The following MTUS2 variants were observed in gnomAD, a reference collection of about 807,000 sequenced individuals.
MTUS2 encodes microtubule associated scaffold protein 2.
In MTUS2, 40 loss-of-function variants were observed where a neutral mutation model predicts 114.1. That is an observed-to-expected ratio of 0.35 (90% confidence interval 0.27 to 0.46). MTUS2 has a LOEUF of 0.46. MTUS2 is among the 20% of genes least tolerant of loss of function. The pLI, the probability that MTUS2 is intolerant of heterozygous loss-of-function variation, is 1.00. For synonymous variants in MTUS2, 688 were observed against 672.0 expected, an observed-to-expected ratio of 1.02 and a Z score of -0.37; for missense variants, 1,679 against 1,705.4, an observed-to-expected ratio of 0.98 and a Z score of 0.27.
intron 5 of MTUS2, among the ~76,000 whole-genome samples, chr13:29,241,741 A>C (rs1472886690): frequency 6.6e-6 from 1 of 152,198 alleles, no homozygotes. Context: ...TGCACTGTCT[A>C]CAGTAGATAC....
At chr13:29,140,130 T>A (rs1305822248) in intron 5 of MTUS2, among the ~76,000 whole-genome samples, 1 of 152,194 alleles carries the variant, frequency 6.6e-6, no homozygotes, top group Non-Finnish European at 1.5e-5. Flanking sequence ...CATAGAGAGA[T>A]TTATTTATGA....
intron 9 of MTUS2, among the ~76,000 whole-genome samples, chr13:29,451,335 C>A (rs2138737744): frequency 6.6e-6 from 1 of 151,764 alleles, no homozygotes; most frequent in Non-Finnish European, 1.5e-5. Context: ...CCAAATAGCA[C>A]ATAGGTCAAA....
At chr13:28,940,517 A>G (rs963928771) in intron 2 of MTUS2, among the ~76,000 whole-genome samples, 9 of 152,214 alleles carry the variant, frequency 5.9e-5, no homozygotes, top group African/African-American at 2.2e-4. Flanking sequence ...TACTGGAGTT[A>G]TCAAACCCAG....
chr13:28,945,466 C>T (rs78571265), intron 2 of MTUS2, among the ~76,000 whole-genome samples: 3,390 of 152,158 alleles, frequency 0.022, 108 homozygotes, highest in East Asian at 0.068. Flanking sequence ...TAAGTGTTTC[C>T]CTTTCTCCAC....
intron 1 of MTUS2, among the ~76,000 whole-genome samples, 167 bp downstream of exon 1, chr13:28,820,778 A>G (rs575624541): frequency 1.3e-5 from 2 of 152,152 alleles, no homozygotes; most frequent in Non-Finnish European, 2.9e-5. Flanking sequence ...CTTCCTGCCC[A>G]CATCACCTGC....
chr13:28,934,048 G>T (rs940578664), intron 2 of MTUS2, among the ~76,000 whole-genome samples: 1 of 152,182 alleles, frequency 6.6e-6, no homozygotes, highest in Non-Finnish European at 1.5e-5. Flanking sequence ...TATATTATCA[G>T]ATTACACTTC....
intron 5 of MTUS2, among the ~76,000 whole-genome samples, chr13:29,137,529 T>C (rs1892031522): frequency 6.6e-6 from 1 of 152,142 alleles, no homozygotes; most frequent in East Asian, 1.9e-4. Context: ...CTCTGTTTAC[T>C]TTTCTTCAGT....
rs988737979 is a variant in MTUS2, at chr13:29,038,610, G to A, written c.2446+4485G>A. The stretch of plus-strand genomic sequence containing the variant: ...TGCTCTCTTCAGAGCCGACAGGCAG[G>A]AATGTTTAAGTCTGCTGAAGCTGCA... On this transcript the variant is annotated intron_variant, in intron 4 of 15. Coordinates refer to ENST00000612955, the MANE Select transcript of MTUS2 (RefSeq NM_001033602.4). Among the ~76,000 whole-genome samples, 4 of 152,322 alleles carry A rather than the reference G, an allele frequency of 2.6e-5. No homozygotes were observed. The East Asian group carries it at 5.8e-4, about 22-fold the overall frequency.
intron 5 of MTUS2, among the ~76,000 whole-genome samples, chr13:29,205,762 G>A (rs1895157992): frequency 2.6e-5 from 4 of 152,268 alleles, no homozygotes; most frequent in African/African-American, 7.2e-5. Context: ...AGGCAGATTA[G>A]CATTCCATAG....
At chr13:29,266,855 A>G (rs536764505) in intron 5 of MTUS2, among the ~76,000 whole-genome samples, 2 of 152,240 alleles carry the variant, frequency 1.3e-5, no homozygotes, top group South Asian at 2.1e-4. Flanking sequence ...TAAGTAGGAC[A>G]GGAAGCCACG....
At chr13:28,891,409 T>C (rs1211641074) in intron 2 of MTUS2, among the ~76,000 whole-genome samples, 2 of 152,174 alleles carry the variant, frequency 1.3e-5, no homozygotes, top group Non-Finnish European at 2.9e-5. Flanking sequence ...CACCATACAA[T>C]GTATTGCCTA....
intron 3 of MTUS2, among the ~76,000 whole-genome samples, chr13:29,033,135 T>G (rs1694541890): frequency 6.6e-6 from 1 of 152,182 alleles, no homozygotes; most frequent in South Asian, 2.1e-4. Flanking sequence ...TCAATAAATA[T>G]TTATTGACTT....
chr13:28,956,787 G>A (rs1165397465), intron 2 of MTUS2, among the ~76,000 whole-genome samples: 1 of 152,056 alleles, frequency 6.6e-6, no homozygotes, highest in East Asian at 1.9e-4. Flanking sequence ...AGGGAAGAAG[G>A]CTGCCCTAGA....
chr13:28,920,614 G>C (rs1340849131), intron 2 of MTUS2, among the ~76,000 whole-genome samples: 1 of 152,174 alleles, frequency 6.6e-6, no homozygotes, highest in African/African-American at 2.4e-5. Context: ...TTGATAAACC[G>C]AGCTGGGTTT....
intron 8 of MTUS2, chr13:29,428,699 G>T: frequency 1.4e-6 from 2 of 1,384,928 alleles, no homozygotes; most frequent in South Asian, 2.8e-5. Context: ...AAGTTTAGGA[G>T]AAATAAGGTA....
chr13:29,213,684 T>A (rs1895550913), intron 5 of MTUS2, among the ~76,000 whole-genome samples: 1 of 152,196 alleles, frequency 6.6e-6, no homozygotes, highest in Non-Finnish European at 1.5e-5. Flanking sequence ...TGGAATAATC[T>A]TTTCATACTA....
At chr13:29,420,250 T>A (rs1226052169) in intron 8 of MTUS2, among the ~76,000 whole-genome samples, 1 of 151,550 alleles carries the variant, frequency 6.6e-6, no homozygotes, top group Non-Finnish European at 1.5e-5. Context: ...TTTCTTTCTT[T>A]CTTTCTTTCT....
intron 5 of MTUS2, among the ~76,000 whole-genome samples, chr13:29,158,787 A>G (rs1892977487): frequency 1.3e-5 from 2 of 152,098 alleles, no homozygotes; most frequent in African/African-American, 4.8e-5. Flanking sequence ...GGAGTTTTGA[A>G]TTATTTTAAG....
chr13:29,029,491 C>T (rs1389576459), intron 3 of MTUS2, among the ~76,000 whole-genome samples: 1 of 152,208 alleles, frequency 6.6e-6, no homozygotes, highest in Non-Finnish European at 1.5e-5. Flanking sequence ...CTCTGAGGCT[C>T]AGGGTCAGGC....
Sources: allele counts gnomAD v4.1 joint callset (sites outside exome capture counted in the v4.1 genomes callset), GRCh38; gene constraint gnomAD v4.1.1; transcripts MANE v1.5; gene names NCBI Gene and HGNC (gene_info 2026-07-23, HGNC 2026-07-21).